The following KAZN variants were observed in gnomAD, a reference collection of about 807,000 sequenced individuals.
KAZN encodes kazrin, periplakin interacting protein.
Under a neutral mutation model 87.4 loss-of-function variants are expected in KAZN, and 40 were observed. The observed-to-expected ratio is 0.46, with a 90% confidence interval of 0.36 to 0.60. KAZN has a LOEUF of 0.60. Ranked by LOEUF, KAZN falls within the 20% of genes least tolerant of loss-of-function variation. KAZN has a pLI of 0.00. For missense variants in KAZN, 898 were observed against 1,073.9 expected (o/e 0.84, Z 2.29); for synonymous variants, 466 against 458.3 (o/e 1.02, Z -0.22).
At chr1:14,966,899 A>T (rs1025113077) in intron 2 of KAZN, among the ~76,000 whole-genome samples, 2 of 151,990 alleles carry the variant, frequency 1.3e-5, no homozygotes, top group African/African-American at 2.4e-5. Context: ...TGAACCCCTG[A>T]CCTCAGGTGA....
chr1:14,938,766 A>G (rs925381441), intron 1 of KAZN, among the ~76,000 whole-genome samples: 1 of 152,124 alleles, frequency 6.6e-6, no homozygotes, highest in Admixed American at 6.5e-5. Context: ...CATTATGAGA[A>G]GACCACACTG....
At chr1:14,647,106 G>A (rs1481091506) in intron 1 of KAZN, among the ~76,000 whole-genome samples, 5 of 152,094 alleles carry the variant, frequency 3.3e-5, no homozygotes. Context: ...TAAACCCTGG[G>A]TATTTCCCTT....
chr1:14,468,782 C>G (rs1668296097), intron 2 of KAZN, among the ~76,000 whole-genome samples: 1 of 152,192 alleles, frequency 6.6e-6, no homozygotes, highest in Non-Finnish European at 1.5e-5. Flanking sequence ...GTAAGCTGTA[C>G]ATTTATATTT....
intron 2 of KAZN, among the ~76,000 whole-genome samples, chr1:14,262,992 C>G (rs996203428): frequency 6.6e-6 from 1 of 152,162 alleles, no homozygotes; most frequent in Non-Finnish European, 1.5e-5. Flanking sequence ...ATTTCTAAGT[C>G]AAATCATGTG....
At chr1:14,402,186 C>T in intron 2 of KAZN, among the ~76,000 whole-genome samples, 1 of 149,620 alleles carries the variant, frequency 6.7e-6, no homozygotes, top group East Asian at 2.0e-4. Context: ...ACAAAATTTA[C>T]ATTTTAAATA....
intron 2 of KAZN, among the ~76,000 whole-genome samples, chr1:14,983,477 C>T (rs1666466250): frequency 6.6e-6 from 1 of 152,138 alleles, no homozygotes; most frequent in South Asian, 2.1e-4. Flanking sequence ...AAATAGCGCC[C>T]TCACCTGTGG....
At chr1:14,848,599 C>T (rs938772379) in intron 1 of KAZN, among the ~76,000 whole-genome samples, 9 of 152,250 alleles carry the variant, frequency 5.9e-5, no homozygotes, top group East Asian at 5.8e-4. Context: ...TGGAGTTCAG[C>T]GGGAGGCATC....
chr1:14,401,174 CCCAGACA>C (rs1240719017), intron 2 of KAZN, among the ~76,000 whole-genome samples: 1 of 152,108 alleles, frequency 6.6e-6, no homozygotes, highest in Non-Finnish European at 1.5e-5. Context: ...ATTTTAAATT[CCCAGACA>C]CCTGAGAATT....
intron 1 of KAZN, among the ~76,000 whole-genome samples, chr1:14,060,309 G>A (rs943147996): frequency 1.4e-5 from 2 of 147,736 alleles, no homozygotes; most frequent in Non-Finnish European, 3.0e-5. Context: ...CTTACAGTGA[G>A]CCGAGATCGC....
At chr1:14,266,179 C>G (rs1375772406) in intron 2 of KAZN, among the ~76,000 whole-genome samples, 1 of 152,206 alleles carries the variant, frequency 6.6e-6, no homozygotes, top group African/African-American at 2.4e-5. Flanking sequence ...GTGTCTTTAC[C>G]TGTGTCTGGA....
intron 1 of KAZN, among the ~76,000 whole-genome samples, chr1:14,648,850 A>G (rs891314530): frequency 6.6e-6 from 1 of 152,186 alleles, no homozygotes; most frequent in Non-Finnish European, 1.5e-5. Flanking sequence ...GCAAATGGCT[A>G]TGGTCACTGG....
rs114375058 is a variant in KAZN, at chr1:14,460,397, G to A, written c.250-138586G>A. Among the ~76,000 whole-genome samples the A allele has an allele frequency of 2.7e-3, 413 of 152,332 alleles. 3 individuals carry two copies. Among genetic ancestry groups the A allele is most frequent in the African/African-American group, 9.2e-3 (384 of 41,576 alleles). On this transcript the variant is annotated intron_variant, in intron 2 of 16. Coordinates refer to the KAZN transcript ENST00000636203. ...ACACACAGCTTGGCAGCAGCCGGGA[G>A]CTTGAGCAAGGCGGTGAGGATCCAG... is the stretch of plus-strand genomic sequence containing the variant.
chr1:13,901,800 CAT>C (rs1446003038), intron 1 of KAZN, among the ~76,000 whole-genome samples: 3 of 152,268 alleles, frequency 2.0e-5, no homozygotes, highest in African/African-American at 4.8e-5. Context: ...CGTGTGAACA[CAT>C]GTGTCTCTCC....
chr1:14,797,823 G>A (rs191394381), intron 1 of KAZN, among the ~76,000 whole-genome samples: 61 of 152,252 alleles, frequency 4.0e-4, no homozygotes, highest in Middle Eastern at 3.4e-3. Flanking sequence ...TTGAGTAGCC[G>A]TGAGGATTCA....
chr1:13,937,236 T>TG (rs1640775456), intron 1 of KAZN, among the ~76,000 whole-genome samples: 1 of 152,240 alleles, frequency 6.6e-6, no homozygotes, highest in East Asian at 1.9e-4. Flanking sequence ...TTAGTAGAGA[T>TG]GGGGTCACCA....
intron 1 of KAZN, among the ~76,000 whole-genome samples, chr1:13,945,858 TG>T (rs1641131031): frequency 3.3e-5 from 5 of 152,056 alleles, no homozygotes; most frequent in Admixed American, 3.3e-4. Flanking sequence ...GAAGATGCAG[TG>T]GTGTGGTTTT....
chr1:14,447,244 T>C (rs2148324763), intron 2 of KAZN, among the ~76,000 whole-genome samples: 1 of 147,196 alleles, frequency 6.8e-6, no homozygotes, highest in South Asian at 2.1e-4. Flanking sequence ...TTATTATTAT[T>C]ATTATTATTA....
intron 2 of KAZN, among the ~76,000 whole-genome samples, chr1:14,546,777 G>A (rs1673173148): frequency 6.6e-6 from 1 of 152,132 alleles, no homozygotes; most frequent in South Asian, 2.1e-4. Context: ...AGATGTGAAG[G>A]ATGTTTATCA....
At chr1:14,345,526 A>C (rs905749766) in intron 2 of KAZN, among the ~76,000 whole-genome samples, 4 of 152,202 alleles carry the variant, frequency 2.6e-5, no homozygotes, top group African/African-American at 9.7e-5. Context: ...AATCATTGAG[A>C]TATATTACAT....
Sources: allele counts gnomAD v4.1 joint callset (sites outside exome capture counted in the v4.1 genomes callset), GRCh38; gene constraint gnomAD v4.1.1; transcripts MANE v1.5; gene names NCBI Gene and HGNC (gene_info 2026-07-23, HGNC 2026-07-21).